Variants in CRYL1 observed in about 807,000 individuals in gnomAD.
CRYL1 encodes lambda-crystallin homolog.
Under a neutral mutation model 36.6 loss-of-function variants are expected in CRYL1, and 29 were observed. That is an observed-to-expected ratio of 0.79 (90% CI 0.59 to 1.08). The LOEUF (loss-of-function observed/expected upper bound fraction) is 1.08, where lower values mean the gene tolerates loss of function less well. Among genes scored for constraint, CRYL1 ranks in the 50% least tolerant of loss-of-function variants. CRYL1 has a pLI of 0.00. For synonymous variants in CRYL1, 152 were observed against 151.5 expected (o/e 1.00, Z -0.02); for missense variants, 411 against 407.9 (o/e 1.01, Z -0.06).
At chr13:20,491,154 G>A (rs1480350072) in intron 2 of CRYL1, among the ~76,000 whole-genome samples, 1 of 152,208 alleles carries the variant, frequency 6.6e-6, no homozygotes, top group East Asian at 1.9e-4. Flanking sequence ...TGATCCTCCT[G>A]CCTTGGCCTC....
At chr13:20,484,396 G>A (rs1023349231) in intron 3 of CRYL1, among the ~76,000 whole-genome samples, 3 of 152,142 alleles carry the variant, frequency 2.0e-5, no homozygotes, top group Non-Finnish European at 4.4e-5. Flanking sequence ...CTTCTTTCAG[G>A]TTTGCCATCA....
intron 2 of CRYL1, among the ~76,000 whole-genome samples, chr13:20,499,621 C>CAGCCTGGGTGACAG (rs758075316): frequency 3.9e-5 from 6 of 152,054 alleles, no homozygotes; most frequent in Non-Finnish European, 5.9e-5. Context: ...CACTGCACTC[C>CAGCCTGGGTGACAG]AGCCTGGGTG....
chr13:20,497,597 A>C (rs1212236511), intron 2 of CRYL1, among the ~76,000 whole-genome samples: 10 of 150,412 alleles, frequency 6.6e-5, no homozygotes, highest in Admixed American at 5.3e-4. Context: ...TGCACCACAC[A>C]CACCACACAC....
chr13:20,467,602 G>A (rs1463889841), intron 3 of CRYL1, among the ~76,000 whole-genome samples: 3 of 152,112 alleles, frequency 2.0e-5, no homozygotes, highest in Non-Finnish European at 4.4e-5. Flanking sequence ...CAGGCGGATC[G>A]CCTGAGGTCA....
chr13:20,454,141 G>A (rs2032627795), intron 3 of CRYL1, among the ~76,000 whole-genome samples: 1 of 152,188 alleles, frequency 6.6e-6, no homozygotes, highest in East Asian at 1.9e-4. Flanking sequence ...CTCATTCTAT[G>A]AAGGCAGAAT....
chr13:20,494,289 G>A (rs796453646), intron 2 of CRYL1, among the ~76,000 whole-genome samples: 25 of 152,258 alleles, frequency 1.6e-4, no homozygotes, highest in African/African-American at 5.8e-4. Context: ...TTAATACTGC[G>A]CCCATTGCTT....
intron 2 of CRYL1, among the ~76,000 whole-genome samples, chr13:20,501,088 G>T (rs539077086): frequency 6.6e-6 from 1 of 152,200 alleles, no homozygotes; most frequent in South Asian, 2.1e-4. Context: ...AGGTGGTCAG[G>T]GAGATGGATT....
intron 7 of CRYL1, 145 bp downstream of exon 7, chr13:20,404,490 C>A: frequency 1.5e-6 from 1 of 658,248 alleles, no homozygotes; most frequent in Non-Finnish European, 2.7e-6. Context: ...GAAGTATGAA[C>A]AAAGTTATGA....
At chr13:20,430,647 C>T in intron 5 of CRYL1, 1 of 985,380 alleles carries the variant, frequency 1.0e-6, no homozygotes, top group Non-Finnish European at 1.2e-6. Context: ...ACCCGATCCC[C>T]TTACACCAGA....
chr13:20,524,508 G>C (rs111286036), intron 1 of CRYL1, among the ~76,000 whole-genome samples: 1 of 152,064 alleles, frequency 6.6e-6, no homozygotes, highest in African/African-American at 2.4e-5. Context: ...CTCCCGAGTA[G>C]CTGGGACTAC....
intron 2 of CRYL1, among the ~76,000 whole-genome samples, chr13:20,491,847 T>C (rs945025967): frequency 5.9e-5 from 9 of 152,006 alleles, no homozygotes; most frequent in African/African-American, 2.2e-4. Flanking sequence ...CAAAACCAAA[T>C]ATGTGTCTTG....
At chr13:20,461,131 C>G (rs1484963765) in intron 3 of CRYL1, among the ~76,000 whole-genome samples, 1 of 152,200 alleles carries the variant, frequency 6.6e-6, no homozygotes, top group East Asian at 1.9e-4. Context: ...TCTGGTTTTC[C>G]TCTTCCTGAA....
At chr13:20,493,496 C>G (rs568855035) in intron 2 of CRYL1, among the ~76,000 whole-genome samples, 11 of 152,290 alleles carry the variant, frequency 7.2e-5, no homozygotes, top group Admixed American at 3.3e-4. Context: ...CCCGATTCTA[C>G]TAAAAATACA....
intron 6 of CRYL1, among the ~76,000 whole-genome samples, chr13:20,405,424 G>A (rs1279566761): frequency 6.6e-6 from 1 of 152,202 alleles, no homozygotes; most frequent in Non-Finnish European, 1.5e-5. Flanking sequence ...CCAACCATGG[G>A]TGTACAAGGT....
intron 3 of CRYL1, among the ~76,000 whole-genome samples, chr13:20,482,397 C>T (rs1301911738): frequency 6.6e-6 from 1 of 152,140 alleles, no homozygotes; most frequent in African/African-American, 2.4e-5. Context: ...TTAGATAAGG[C>T]CTCGACATAG....
chr13:20,487,018 G>A (rs1290069237), intron 3 of CRYL1, among the ~76,000 whole-genome samples: 1 of 151,986 alleles, frequency 6.6e-6, no homozygotes, highest in Non-Finnish European at 1.5e-5. Flanking sequence ...TATTATGGAG[G>A]GTTCACCACT....
At chr13:20,489,623 A>G in intron 2 of CRYL1, 127 bp from the exon 3 acceptor site, 1 of 1,073,440 alleles carries the variant, frequency 9.3e-7, no homozygotes, top group Non-Finnish European at 1.3e-6. Context: ...CCTCACACCC[A>G]TTAGGGGCTA....
At chr13:20,471,299 G>A (rs1384720354) in intron 3 of CRYL1, among the ~76,000 whole-genome samples, 5 of 152,052 alleles carry the variant, frequency 3.3e-5, no homozygotes, top group East Asian at 1.9e-4. Context: ...CAGGCCAGGC[G>A]CGGTGGCTCA....
At chr13:20,445,390 A>G (rs764435177) in intron 3 of CRYL1, among the ~76,000 whole-genome samples, 39 of 152,164 alleles carry the variant, frequency 2.6e-4, no homozygotes, top group Admixed American at 6.5e-4. Context: ...CTCAAGGGCT[A>G]TATCCCTTGA....
Sources: allele counts gnomAD v4.1 joint callset (sites outside exome capture counted in the v4.1 genomes callset), GRCh38; gene constraint gnomAD v4.1.1; transcripts MANE v1.5; gene names NCBI Gene and HGNC (gene_info 2026-07-23, HGNC 2026-07-21).